FGF2: variants seen among roughly 807,000 people sequenced by gnomAD.
The protein encoded by FGF2 is basic fibroblast growth factor bFGF.
Under a neutral mutation model 15.9 loss-of-function variants are expected in FGF2, and 13 were observed. The ratio of observed to expected loss-of-function variants is 0.82; its 90% CI spans 0.53 to 1.30. The LOEUF (loss-of-function observed/expected upper bound fraction) is 1.30. FGF2 is among the 50% of genes most tolerant of loss of function. The pLI is 0.00. For synonymous variants in FGF2, 90 were observed against 78.4 expected (o/e 1.15, Z -0.78); for missense variants, 163 against 196.9 (o/e 0.83, Z 1.03).
intron 1 of FGF2, among the ~76,000 whole-genome samples, chr4:122,865,295 TTTG>T (rs1386893823): frequency 6.6e-6 from 1 of 151,860 alleles, no homozygotes; most frequent in East Asian, 1.9e-4. Flanking sequence ...GTTTGTTTGT[TTTG>T]TTGTTGTTGT....
In FGF2 at chr4:122,897,718, C is replaced by T. The variant is rs1363235036; in HGVS notation, c.*5322C>T. On this transcript the variant is annotated 3_prime_UTR_variant, in exon 3 of 3. Coordinates refer to ENST00000644866, the MANE Select transcript of FGF2 (RefSeq NM_001361665.2). ...CAGAAAATAAAGTTAACATAACTTT[C>T]ACTAACACACACATATGTAGATTTC... 3.2e-6 allele frequency: 4 copies of T among 1,231,554 alleles called. No homozygotes were observed. The highest frequency in any genetic ancestry group is 3.0e-5 in the African/African-American group (2 of 67,582). The allele number at this position is 1,231,554 out of a possible 1,614,324, so 76.3% of individuals were successfully genotyped here. A position where few individuals can be genotyped will look rare whatever the true frequency, so the allele number is the denominator to read the frequency against.
At chr4:122,866,662 A>G (rs1726600336) in intron 1 of FGF2, among the ~76,000 whole-genome samples, 1 of 152,254 alleles carries the variant, frequency 6.6e-6, no homozygotes, top group African/African-American at 2.4e-5. Context: ...TAGGATGCCT[A>G]TAATTGAGAA....
chr4:122,844,610 CCTTCCTTTCTTTCTTCCTTT>C (rs1676705667), intron 1 of FGF2, among the ~76,000 whole-genome samples: 2 of 131,022 alleles, frequency 1.5e-5, no homozygotes, highest in African/African-American at 5.4e-5. Context: ...TTCCTTCCTT[CCTTCCTTTCTTTCTTCCTTT>C]CTTCCTTTCT....
chr4:122,833,179 A>ATGTGTGTGTGTGTGTGTGTGTGTG (rs139686023), intron 1 of FGF2, among the ~76,000 whole-genome samples: 1 of 148,956 alleles, frequency 6.7e-6, no homozygotes, highest in South Asian at 2.1e-4. Context: ...TGTATAATGG[A>ATGTGTGTGTGTGTGTGTGTGTGTG]TGTGTGTGTG....
At chr4:122,855,192 A>G (rs775846800) in intron 1 of FGF2, among the ~76,000 whole-genome samples, 4 of 152,192 alleles carry the variant, frequency 2.6e-5, no homozygotes, top group Non-Finnish European at 5.9e-5. Flanking sequence ...ATTAACTTTG[A>G]GGAGAAACCT....
intron 1 of FGF2, among the ~76,000 whole-genome samples, chr4:122,833,398 G>C (rs1725803759): frequency 6.6e-6 from 1 of 152,132 alleles, no homozygotes; most frequent in African/African-American, 2.4e-5. Context: ...AATGATCCTG[G>C]TTTAATTTAT....
At chr4:122,860,196 C>T (rs1726431391) in intron 1 of FGF2, among the ~76,000 whole-genome samples, 1 of 152,020 alleles carries the variant, frequency 6.6e-6, no homozygotes, top group African/African-American at 2.4e-5. Flanking sequence ...GTCCTAGATA[C>T]TATTTGTTAT....
chr4:122,852,548 A>G (rs1726256753), intron 1 of FGF2, among the ~76,000 whole-genome samples: 1 of 152,240 alleles, frequency 6.6e-6, no homozygotes, highest in African/African-American at 2.4e-5. Context: ...CATTGGAGCC[A>G]CCAAAATAAG....
chr4:122,872,984 C>T (rs189563382), intron 1 of FGF2, among the ~76,000 whole-genome samples: 106 of 152,336 alleles, frequency 7.0e-4, no homozygotes, highest in Non-Finnish European at 8.8e-5. Context: ...TGCAAAATAA[C>T]CAAATAGCAG....
rs1047744349 is a variant in FGF2, at chr4:122,829,791, T to C, written c.178+2439T>C. ...GGCAATAGACTGACAAGAATACAAA[T>C]CTAAAAATGACAAATTTCATCTATT... On this transcript the variant is annotated intron_variant, in intron 1 of 2. Transcript: ENST00000644866. Among the ~76,000 whole-genome samples, 4 of 152,156 alleles carry C rather than the reference T, an allele frequency of 2.6e-5. 1 individual carries two copies.
chr4:122,857,042 T>C (rs967714196), intron 1 of FGF2, among the ~76,000 whole-genome samples: 1 of 152,192 alleles, frequency 6.6e-6, no homozygotes, highest in African/African-American at 2.4e-5. Context: ...TGTTGCCTGG[T>C]GTTGCTGTGC....
rs61524225 is a variant in FGF2 at position 122,897,730 on chromosome 4, CAT to C, written c.*5337_*5338del. 8.4e-4 allele frequency: 1,008 copies of C among 1,197,262 alleles called. 14 individuals carry two copies. The East Asian group carries it at 0.021, about 25-fold the overall frequency. 74.2% of individuals were successfully genotyped at this position (1,197,262 alleles called of 1,614,324 possible). A position where few individuals can be genotyped will look rare whatever the true frequency, so the allele number is the denominator to read the frequency against. ...TTAACATAACTTTCACTAACACACA[CAT>C]ATGTAGATTTCACAAAATCCACCTA... is the stretch of plus-strand genomic sequence containing the variant. On this transcript the variant is annotated 3_prime_UTR_variant, in exon 3 of 3. Transcript: ENST00000644866.
chr4:122,884,584 C>T (rs1660431338), intron 2 of FGF2: 1 of 152,166 alleles, frequency 6.6e-6, no homozygotes, highest in Non-Finnish European at 1.5e-5. Flanking sequence ...AACATTGATA[C>T]TTACATCATG....
At chr4:122,859,660 A>ACACACACACG (rs1553948464) in intron 1 of FGF2, among the ~76,000 whole-genome samples, 132 of 152,118 alleles carry the variant, frequency 8.7e-4, no homozygotes, top group African/African-American at 2.8e-3. Flanking sequence ...ATATACACAC[A>ACACACACACG]CACACACACA....
intron 1 of FGF2, among the ~76,000 whole-genome samples, chr4:122,833,495 A>G (rs1725805887): frequency 6.6e-6 from 1 of 152,222 alleles, no homozygotes; most frequent in Non-Finnish European, 1.5e-5. Context: ...TTTAAAAGAA[A>G]TTTGTACAGA....
chr4:122,875,308 C>G (rs17408275), intron 1 of FGF2, among the ~76,000 whole-genome samples: 17,944 of 151,732 alleles, frequency 0.12, 1,146 homozygotes, highest in Middle Eastern at 0.21. Context: ...GACAAGTCAT[C>G]TTTCTCAGGA....
chr4:122,848,440 C>T (rs1011887756), intron 1 of FGF2, among the ~76,000 whole-genome samples: 5 of 152,208 alleles, frequency 3.3e-5, no homozygotes, highest in African/African-American at 1.2e-4. Context: ...AACTTGATCA[C>T]AGTGATCGTG....
chr4:122,893,101 G>A lies in FGF2; in HGVS notation c.*705G>A. ...TGAATGAATATGGCTTTAGGCGGCA[G>A]ATGATATACATATCTGACTTCCCAA... On this transcript the variant is annotated 3_prime_UTR_variant, in exon 3 of 3. Transcript: ENST00000644866. The A allele has an allele frequency of 1.2e-6, 2 of 1,614,160 alleles. No individual in the cohort carries two copies. Among genetic ancestry groups the A allele is most frequent in the South Asian group, 1.1e-5 (1 of 91,084 alleles).
At chr4:122,833,083 C>T (rs1449281462) in intron 1 of FGF2, among the ~76,000 whole-genome samples, 4 of 152,222 alleles carry the variant, frequency 2.6e-5, no homozygotes, top group African/African-American at 9.6e-5. Flanking sequence ...GTTTATGTCT[C>T]ATCCAGCTGT....
Sources: gnomAD v4.1 joint callset for allele counts (sites outside exome capture counted in the v4.1 genomes callset) on GRCh38, gnomAD v4.1.1 for gene constraint, MANE v1.5 for transcripts, NCBI Gene and HGNC (gene_info 2026-07-23, HGNC 2026-07-21) for gene names.